The following TECPR2 variants were observed in gnomAD, a reference collection of about 807,000 sequenced individuals.
TECPR2 encodes the protein tectonin beta-propeller repeat-containing protein 2.
In TECPR2, 65 loss-of-function variants were observed where a neutral mutation model predicts 138.1. The ratio of observed to expected loss-of-function variants is 0.47; its 90% confidence interval spans 0.39 to 0.58. The LOEUF is 0.58. Among genes scored for constraint, TECPR2 ranks in the 20% least tolerant of loss-of-function variants. TECPR2 has a pLI of 0.00. For missense variants in TECPR2, 1,553 were observed against 1,824.5 expected, an observed-to-expected ratio of 0.85 and a Z score of 2.71; for synonymous variants, 746 against 749.8, an observed-to-expected ratio of 0.99 and a Z score of 0.08.
In TECPR2 at chr14:102,420,354, G is replaced by A. The variant is rs747359598; in HGVS notation, c.639-4625G>A. On this transcript the variant is annotated intron_variant, in intron 5 of 19. Coordinates refer to ENST00000359520, the MANE Select transcript of TECPR2 (RefSeq NM_014844.5). The surrounding 1 kb of genome is among the most constrained non-coding windows in gnomAD (Gnocchi z 4.1). The stretch of plus-strand genomic sequence containing the variant: ...AATTCAGAAAGCACCAGCAAGTACT[G>A]CAGAATCGCACTGCAAGTGGATGGT... Among the ~76,000 whole-genome samples, 1 of 152,216 alleles carries A rather than the reference G, an allele frequency of 6.6e-6. No homozygotes were observed. The highest frequency in any genetic ancestry group is 1.5e-5 in the Non-Finnish European group (1 of 68,044).
chr14:102,485,178 A>G (rs112206854), intron 17 of TECPR2, among the ~76,000 whole-genome samples: 258 of 152,134 alleles, frequency 1.7e-3, no homozygotes, highest in African/African-American at 4.0e-3. Flanking sequence ...TATAGCCACT[A>G]TTTTCCTCTA....
At chr14:102,477,551 GTT>G (rs549249042) in intron 17 of TECPR2, among the ~76,000 whole-genome samples, 381 of 126,750 alleles carry the variant, frequency 3.0e-3, no homozygotes, top group African/African-American at 0.01. Context: ...TGTAGAGCTG[GTT>G]TTTTTTTTTT....
At chr14:102,496,798 A>T in intron 17 of TECPR2, 181 bp from the exon 18 acceptor site, 1 of 862,054 alleles carries the variant, frequency 1.2e-6, no homozygotes, top group Non-Finnish European at 1.8e-6. Flanking sequence ...CATTCTGGAG[A>T]CAAGTGACCA....
rs1486725981 is a variant in TECPR2 at position 102,449,690 on chromosome 14, C to A, written c.3137C>A (p.Ala1046Asp). Residue 1046 changes from alanine (A) to aspartate (D), a missense_variant, in exon 14 of 20, where the codon GCC becomes GAC. By Grantham distance (126) the Ala-to-Asp change is moderately radical. Transcript: ENST00000359520. Reference sequence around the variant, plus strand: ...AGCTTATTTCAGACGATAATCCATGCCACTCACTCGGTGGCCACAGCAGCC... The same window carrying A: ...AGCTTATTTCAGACGATAATCCATGACACTCACTCGGTGGCCACAGCAGCC... ...QCSLFQTIIH[A>D]THSVATAAQA... The A allele has an allele frequency of 6.2e-7, 1 of 1,614,198 alleles. No individual in the cohort carries two copies. Among genetic ancestry groups the A allele is most frequent in the South Asian group, 1.1e-5 (1 of 91,080 alleles).
chr14:102,456,623 T>C (rs1319448694), intron 16 of TECPR2, among the ~76,000 whole-genome samples: 1 of 149,006 alleles, frequency 6.7e-6, no homozygotes, highest in Non-Finnish European at 1.5e-5. Context: ...AGAGTCTCGC[T>C]CTGTTGCCCA....
intron 16 of TECPR2, among the ~76,000 whole-genome samples, chr14:102,455,680 G>A (rs1384115575): frequency 6.6e-5 from 10 of 152,202 alleles, no homozygotes; most frequent in Admixed American, 1.3e-4. Flanking sequence ...GCACGATCTC[G>A]GCTCACTGCA....
intron 13 of TECPR2, 104 bp from the exon 14 acceptor site, chr14:102,449,525 G>A: frequency 6.6e-7 from 1 of 1,510,238 alleles, no homozygotes; most frequent in Non-Finnish European, 8.9e-7. Flanking sequence ...CTTGTTACTA[G>A]AAATGCAGAG....
At chr14:102,407,253 T>A (rs918755903) in intron 2 of TECPR2, 85 bp from the exon 3 acceptor site, 4 of 1,478,498 alleles carry the variant, frequency 2.7e-6, no homozygotes, top group Non-Finnish European at 3.6e-6. Context: ...GATGAAGTTT[T>A]TCACTCCTTT....
chr14:102,395,944 G>A (rs1888303234), intron 2 of TECPR2, among the ~76,000 whole-genome samples: 2 of 152,088 alleles, frequency 1.3e-5, no homozygotes, highest in African/African-American at 4.8e-5. Flanking sequence ...AAAACCTGTG[G>A]GGCAGGTAGA....
At chr14:102,456,966 C>G (rs905520565) in intron 16 of TECPR2, among the ~76,000 whole-genome samples, 1 of 152,090 alleles carries the variant, frequency 6.6e-6, no homozygotes, top group Admixed American at 6.5e-5. Context: ...ACCTCCCCAG[C>G]CTTCACTATG....
intron 1 of TECPR2, among the ~76,000 whole-genome samples, chr14:102,365,314 G>A (rs1179977661): frequency 6.6e-6 from 1 of 152,192 alleles, no homozygotes; most frequent in Non-Finnish European, 1.5e-5. Flanking sequence ...GGAGTTCTGT[G>A]AAAGCAGAGA....
rs757365630 is a variant in TECPR2, at chr14:102,496,993, C to T, written c.3804C>T (p.Ser1268=). 5.0e-6 allele frequency: 8 copies of T among 1,613,900 alleles called. No individual in the cohort carries two copies. The African/African-American group carries it at 9.3e-5, about 19-fold the overall frequency. Residue 1268 remains serine, a synonymous_variant, in exon 18 of 20, where the codon AGC becomes AGT. Coordinates refer to ENST00000359520, the MANE Select transcript of TECPR2 (RefSeq NM_014844.5). The part of the protein sequence containing the change: ...IEPPVQPAGV[S]LVSVHSSPND... ...CCCGCTTCCAGCCCGCCGGGGTCAG[C>T]TTGGTCAGCGTCCATTCCAGCCCCA... is the stretch of plus-strand genomic sequence containing the variant.
intron 5 of TECPR2, among the ~76,000 whole-genome samples, chr14:102,416,908 G>T (rs1185051745): frequency 6.6e-6 from 1 of 152,092 alleles, no homozygotes; most frequent in Non-Finnish European, 1.5e-5. Flanking sequence ...CGCTTGAACC[G>T]GGGAGACAAA....
At chr14:102,403,896 C>T (rs1888569459) in intron 2 of TECPR2, among the ~76,000 whole-genome samples, 1 of 151,994 alleles carries the variant, frequency 6.6e-6, no homozygotes, top group South Asian at 2.1e-4. Flanking sequence ...GAAGACTTAA[C>T]ATTGTGTGTT....
chr14:102,424,377 G>T (rs1889259833), intron 5 of TECPR2, among the ~76,000 whole-genome samples: 1 of 152,176 alleles, frequency 6.6e-6, no homozygotes, highest in Middle Eastern at 3.2e-3. Flanking sequence ...TGTCACCCAG[G>T]TTGGAGTACA....
chr14:102,407,955 C>T (rs1888708895), intron 3 of TECPR2, among the ~76,000 whole-genome samples: 1 of 151,710 alleles, frequency 6.6e-6, no homozygotes, highest in Non-Finnish European at 1.5e-5. Context: ...GGAGATCACG[C>T]CACTGCACTC....
intron 5 of TECPR2, among the ~76,000 whole-genome samples, chr14:102,421,806 G>A (rs1447913137): frequency 3.9e-5 from 6 of 152,142 alleles, no homozygotes; most frequent in East Asian, 1.9e-4. Context: ...AATGGGAAAC[G>A]GGTCCAGAAA....
chr14:102,470,410 C>T (rs1451971107), intron 17 of TECPR2, among the ~76,000 whole-genome samples: 11 of 151,590 alleles, frequency 7.3e-5, no homozygotes, highest in African/African-American at 2.4e-4. Context: ...TGGGTTCTTG[C>T]AATTCTCCTG....
At chr14:102,394,075 C>G (rs1162880423) in intron 2 of TECPR2, among the ~76,000 whole-genome samples, 1 of 152,184 alleles carries the variant, frequency 6.6e-6, no homozygotes, top group African/African-American at 2.4e-5. Flanking sequence ...ATTTTCCCTT[C>G]AAAGCAATGC....
Sources: allele counts gnomAD v4.1 joint callset (sites outside exome capture counted in the v4.1 genomes callset), GRCh38; gene constraint gnomAD v4.1.1; non-coding constraint Gnocchi (gnomAD v3.1); transcripts MANE v1.5; gene names NCBI Gene and HGNC (gene_info 2026-07-23, HGNC 2026-07-21).